The following PTK7 variants were observed in gnomAD, a reference collection of about 807,000 sequenced individuals.
PTK7 encodes protein tyrosine kinase 7 (inactive), also known as inactive tyrosine-protein kinase 7.
Under a neutral mutation model 116.6 loss-of-function variants are expected in PTK7, and 39 were observed. The ratio of observed to expected loss-of-function variants is 0.33; its 90% CI spans 0.26 to 0.44. The LOEUF (loss-of-function observed/expected upper bound fraction) is 0.44, where lower values mean the gene tolerates loss of function less well. Ranked by LOEUF, PTK7 falls within the 20% of genes least tolerant of loss-of-function variation. The pLI is 1.00. For synonymous variants in PTK7, 546 were observed against 563.6 expected, an observed-to-expected ratio of 0.97 and a Z score of 0.44; for missense variants, 1,169 against 1,425.6, an observed-to-expected ratio of 0.82 and a Z score of 2.90.
chr6:43,134,591 C>T (rs890615673), intron 7 of PTK7, among the ~76,000 whole-genome samples: 3 of 151,830 alleles, frequency 2.0e-5, no homozygotes, highest in Non-Finnish European at 2.9e-5. Context: ...ATCAGCCTGA[C>T]CAACATGGTG....
chr6:43,126,304 A>G (rs1387593320), intron 1 of PTK7, among the ~76,000 whole-genome samples: 1 of 152,086 alleles, frequency 6.6e-6, no homozygotes, highest in Non-Finnish European at 1.5e-5. Flanking sequence ...TGGGTGGCAG[A>G]GTAAGTAAGA....
chr6:43,087,699 A>T (rs868396688), intron 1 of PTK7, among the ~76,000 whole-genome samples: 1 of 152,248 alleles, frequency 6.6e-6, no homozygotes, highest in Middle Eastern at 3.4e-3. Flanking sequence ...AGAACAGAAG[A>T]CCTTGGAGGG....
chr6:43,142,234 G>A lies in PTK7; in HGVS notation c.1982G>A (p.Arg661His), dbSNP rs759280363. The A allele has an allele frequency of 2.8e-5, 45 of 1,614,002 alleles. No individual in the cohort carries two copies. The Middle Eastern group carries it at 4.9e-4, about 18-fold the overall frequency. Residue 661 changes from arginine to histidine, a missense_variant, in exon 13 of 20, where the codon CGC becomes CAC. By Grantham distance (29) the Arg-to-His change is conservative. Around this residue, in one of 3 missense-constraint regions of PTK7, gnomAD observed 678 missense variants for 853.8 expected, o/e 0.79. Transcript: ENST00000230419. ...IHDVAPEDSG[R>H]YTCIAGNSCN... ...GACGTGGCCCCTGAGGACTCAGGCC[G>A]CTACACCTGCATTGCAGGCAACAGC...
intron 14 of PTK7, 64 bp from the exon 15 acceptor site, chr6:43,144,387 G>A (rs755512932): frequency 7.7e-5 from 124 of 1,602,380 alleles, no homozygotes; most frequent in Admixed American, 1.7e-4. Context: ...GGACAGAACA[G>A]AAATCCCCAT....
Position 43,143,647 on chromosome 6 carries a change from T to C in PTK7, c.2251+27T>C. ...TGAGGGGCCCTGGACGGGGAGGTGG[T>C]GCCCGTGTGCGGGAGCTGAGCGCCC... On this transcript the variant is annotated intron_variant, in intron 14 of 19. Transcript: ENST00000230419. The surrounding 1 kb of genome is among the most constrained non-coding windows in gnomAD (Gnocchi z 4.2). 6.3e-7 allele frequency: 1 copy of C among 1,599,420 alleles called. No homozygotes were observed. Among genetic ancestry groups the C allele is most frequent in the Non-Finnish European group, 8.5e-7 (1 of 1,174,404 alleles).
At chr6:43,093,236 C>G (rs1340654323) in intron 1 of PTK7, among the ~76,000 whole-genome samples, 1 of 130,414 alleles carries the variant, frequency 7.7e-6, no homozygotes, top group Non-Finnish European at 1.5e-5. Context: ...GTTGCCCAGG[C>G]TGGAGTGCAA....
Position 43,141,588 on chromosome 6 carries a change from A to G in PTK7, c.1619-80A>G. ...CAGGAGCGATGGTGTGTTTTTGAGT[A>G]GAGGTGAGGGACTGAAGGCATTGCC... On this transcript the variant is annotated intron_variant, in intron 10 of 19. Coordinates refer to ENST00000230419, the MANE Select transcript of PTK7 (RefSeq NM_002821.5). This position sits in a 1 kb window ranked among gnomAD's most constrained non-coding sequence, Gnocchi z 4.9. 1 of 1,488,338 alleles carries G rather than the reference A, an allele frequency of 6.7e-7. No individual in the cohort carries two copies. The highest frequency in any genetic ancestry group is 9.2e-7 in the Non-Finnish European group (1 of 1,090,340). The allele number at this position is 1,488,338 out of a possible 1,614,324, so 92.2% of individuals were successfully genotyped here.
At chr6:43,118,867 C>G (rs894151104) in intron 1 of PTK7, among the ~76,000 whole-genome samples, 3 of 150,074 alleles carry the variant, frequency 2.0e-5, no homozygotes, top group Admixed American at 1.3e-4. Context: ...CTCCCGGGTT[C>G]AAGCCATCCT....
At chr6:43,118,623 CTCTCTCT>C (rs1768712421) in intron 1 of PTK7, among the ~76,000 whole-genome samples, 2 of 56,460 alleles carry the variant, frequency 3.5e-5, no homozygotes, top group African/African-American at 1.7e-4. Flanking sequence ...ATTTTAACCT[CTCTCTCT>C]CTCTCTCTCT....
At chr6:43,106,343 G>T (rs904945517) in intron 1 of PTK7, among the ~76,000 whole-genome samples, 1 of 151,666 alleles carries the variant, frequency 6.6e-6, no homozygotes, top group African/African-American at 2.4e-5. Context: ...GGTCTTGCTC[G>T]ATTACCTAGG....
At chr6:43,087,047 G>T (rs999211307) in intron 1 of PTK7, among the ~76,000 whole-genome samples, 6 of 152,184 alleles carry the variant, frequency 3.9e-5, no homozygotes, top group African/African-American at 1.4e-4. Context: ...GGGCCAAGAT[G>T]ATTTTGATGC....
At chr6:43,115,448 C>T (rs546744640) in intron 1 of PTK7, among the ~76,000 whole-genome samples, 79 of 152,208 alleles carry the variant, frequency 5.2e-4, no homozygotes, top group African/African-American at 1.8e-3. Context: ...CCTGTGCCCC[C>T]AGGGCTCACC....
In PTK7 at chr6:43,157,373, TTTC is replaced by T. The variant is rs1403411526; in HGVS notation, c.2722-1441_2722-1439del. Among the ~76,000 whole-genome samples the T allele has an allele frequency of 2.7e-3, 238 of 86,978 alleles. 30 individuals carry two copies. The highest frequency in any genetic ancestry group is 0.012 in the African/African-American group (220 of 17,832). 57.1% of individuals were successfully genotyped at this position (86,978 alleles called of 152,430 possible). On this transcript the variant is annotated intron_variant, in intron 17 of 19. Coordinates refer to ENST00000230419, the MANE Select transcript of PTK7 (RefSeq NM_002821.5). ...ATATATATATATATATATTTTTTTT[TTTC>T]TTTTTTTTTTTTTTTTTTTAATAGA...
In PTK7 at chr6:43,159,804, C is replaced by T. The variant is rs763046153; in HGVS notation, c.2890C>T (p.Arg964Cys). 18 of 1,614,054 alleles carry T rather than the reference C, an allele frequency of 1.1e-5. No homozygotes were observed. In the South Asian group the frequency reaches 1.2e-4, roughly 11 times the overall value. Residue 964 changes from arginine to cysteine, a missense_variant, in exon 19 of 20, where the codon CGC becomes TGC. This residue lies in a region of PTK7 where 678 missense variants were observed against 853.8 expected (regional missense o/e 0.79). Coordinates refer to ENST00000230419, the MANE Select transcript of PTK7 (RefSeq NM_002821.5). Reference protein sequence around the residue: ...DVYNSEYYHFRQAWVPLRWMS... With the variant: ...DVYNSEYYHFCQAWVPLRWMS... ...CTCCTGCAGTGAGTACTACCACTTC[C>T]GCCAGGCCTGGGTGCCGCTGCGCTG...
rs1466387674 is a variant in PTK7 at position 43,144,473 on chromosome 6, G to A, written c.2274G>A (p.Gln758=). The A allele has an allele frequency of 1.2e-6, 2 of 1,614,156 alleles. No homozygotes were observed. Among genetic ancestry groups the A allele is most frequent in the South Asian group, 2.2e-5 (2 of 91,076 alleles). The change falls in exon 15 of 20, where the codon CAG becomes CAA. Residue 758 remains glutamine, a synonymous_variant. Coordinates refer to ENST00000230419, the MANE Select transcript of PTK7 (RefSeq NM_002821.5). ...CLNGGPLQNG[Q]PSAEIQEEVA... ...CAGGTGGGCCTTTGCAGAACGGGCA[G>A]CCCTCAGCAGAGATCCAAGAAGAAG...
intron 17 of PTK7, among the ~76,000 whole-genome samples, chr6:43,150,913 T>C (rs1197538888): frequency 6.8e-6 from 1 of 147,338 alleles, no homozygotes; most frequent in Non-Finnish European, 1.5e-5. Context: ...GTAGCTGGGA[T>C]CGCTCTTCAA....
intron 1 of PTK7, among the ~76,000 whole-genome samples, chr6:43,080,976 C>G (rs1316597756): frequency 6.6e-6 from 1 of 151,508 alleles, no homozygotes; most frequent in Non-Finnish European, 1.5e-5. Context: ...CACACACACA[C>G]AGCCCTTTCT....
In PTK7 at chr6:43,109,896, C is replaced by T. The variant is rs150948500; in HGVS notation, c.80-19081C>T. Among the ~76,000 whole-genome samples, 13 of 151,970 alleles carry T rather than the reference C, an allele frequency of 8.6e-5. No homozygotes were observed. In the East Asian group the frequency reaches 2.5e-3, roughly 29 times the overall value. On this transcript the variant is annotated intron_variant, in intron 1 of 19. Coordinates refer to ENST00000230419, the MANE Select transcript of PTK7 (RefSeq NM_002821.5). ...TGTATTATTAGTAGAGACGGGGTTT[C>T]ACCGTGTTAGTCAGGATGATCTCGA...
At chr6:43,103,407 T>A (rs1317244797) in intron 1 of PTK7, among the ~76,000 whole-genome samples, 4 of 152,162 alleles carry the variant, frequency 2.6e-5, no homozygotes, top group Admixed American at 2.6e-4. Context: ...TATTCATCCT[T>A]GAGTTAGGCA....
Sources: gnomAD v4.1 joint callset for allele counts (sites outside exome capture counted in the v4.1 genomes callset) on GRCh38, gnomAD v4.1.1 for gene constraint, gnomAD v4.1.1 regional missense constraint, Gnocchi (gnomAD v3.1) non-coding constraint, MANE v1.5 for transcripts, NCBI Gene and HGNC (gene_info 2026-07-23, HGNC 2026-07-21) for gene names.